SANBR: variants seen among roughly 807,000 people sequenced by gnomAD.
SANBR encodes the protein SANT and BTB domain regulator of class switch recombination.
In SANBR, 77 loss-of-function variants were observed where a neutral mutation model predicts 101.8. The observed-to-expected ratio is 0.76, with a 90% CI of 0.63 to 0.91. SANBR has a LOEUF of 0.91. SANBR is among the 40% of genes least tolerant of loss of function. SANBR has a pLI of 0.00. For synonymous variants in SANBR, 279 were observed against 274.7 expected (o/e 1.02, Z -0.15); for missense variants, 875 against 853.0 (o/e 1.03, Z -0.32).
Position 61,123,686 on chromosome 2 carries a change from T to C in SANBR, c.*1524T>C, listed in dbSNP as rs551482290. The C allele has an allele frequency of 9.1e-6, 9 of 985,170 alleles. No homozygotes were observed. In the East Asian group the frequency reaches 1.0e-3, roughly 110 times the overall value. 61.0% of individuals were successfully genotyped at this position (985,170 alleles called of 1,614,324 possible). ...CGACTAGATAAGGAAAAAATATATA[T>C]GCTCTTTTGATTTTTAACTGATGGT... is the stretch of plus-strand genomic sequence containing the variant. On this transcript the variant is annotated 3_prime_UTR_variant, in exon 22 of 22. Transcript: ENST00000402291.
chr2:61,122,624 A>C lies in SANBR; in HGVS notation c.*462A>C. 1 of 987,148 alleles carries C rather than the reference A, an allele frequency of 1.0e-6. No homozygotes were observed. Among genetic ancestry groups the C allele is most frequent in the Non-Finnish European group, 1.2e-6 (1 of 831,048 alleles). 61.1% of individuals were successfully genotyped at this position (987,148 alleles called of 1,614,324 possible). A position where few individuals can be genotyped will look rare whatever the true frequency, so the allele number is the denominator to read the frequency against. On this transcript the variant is annotated 3_prime_UTR_variant, in exon 22 of 22. Coordinates refer to ENST00000402291, the MANE Select transcript of SANBR (RefSeq NM_001129993.3). The stretch of plus-strand genomic sequence containing the variant: ...TGCAGGTTGTGTGACGAAATTCCCA[A>C]TGATGCTAATTTTAAGTCTGCATGA...
intron 1 of SANBR, among the ~76,000 whole-genome samples, chr2:61,067,597 G>A (rs1681245641): frequency 6.6e-6 from 1 of 152,072 alleles, no homozygotes; most frequent in Non-Finnish European, 1.5e-5. Flanking sequence ...TTAGCTGGGC[G>A]TGGTGGTGCG....
chr2:61,070,568 C>T lies in SANBR; in HGVS notation c.150+68C>T, dbSNP rs139336080. ...AAAAGGTCATCAATTTAAAGAAACA[C>T]CAAGAGAGAGAAAAATATTTGAGTT... On this transcript the variant is annotated intron_variant, in intron 3 of 21. Coordinates refer to ENST00000402291, the MANE Select transcript of SANBR (RefSeq NM_001129993.3). 1,251 of 1,410,682 alleles carry T rather than the reference C, an allele frequency of 8.9e-4. 8 individuals are homozygous for T. The African/African-American group carries it at 0.016, about 18-fold the overall frequency. The allele number at this position is 1,410,682 out of a possible 1,614,324, so 87.4% of individuals were successfully genotyped here.
chr2:61,134,252 G>T (rs765807499), exon 21 of SANBR: 1 of 1,577,198 alleles, frequency 6.3e-7, no homozygotes, highest in African/African-American at 1.3e-5. Context: ...TACATGAAAG[G>T]ACTTGGAATA....
intron 12 of SANBR, 37 bp downstream of exon 12, chr2:61,097,889 T>G: frequency 6.4e-7 from 1 of 1,565,640 alleles, no homozygotes; most frequent in South Asian, 1.1e-5. Flanking sequence ...GCTACAGTTT[T>G]TAAAGTATAA....
chr2:61,067,626 C>T (rs1573575745), intron 1 of SANBR, among the ~76,000 whole-genome samples: 1 of 152,132 alleles, frequency 6.6e-6, no homozygotes, highest in Non-Finnish European at 1.5e-5. Context: ...GTCCCAGCTA[C>T]TCGGGAGGCT....
At chr2:61,088,571 G>GATCTC in intron 10 of SANBR, 103 bp downstream of exon 10, 4 of 722,422 alleles carry the variant, frequency 5.5e-6, no homozygotes, top group Non-Finnish European at 8.4e-6. Context: ...CCAGGCTGGC[G>GATCTC]TGCAGTGGTG....
At chr2:61,084,019 C>G (rs1000128425) in intron 8 of SANBR, among the ~76,000 whole-genome samples, 2 of 152,092 alleles carry the variant, frequency 1.3e-5, no homozygotes, top group Non-Finnish European at 2.9e-5. Context: ...AGTGCAGTAG[C>G]AAGATACCAG....
At position 61,071,589 on chromosome 2, in the gene SANBR, A is replaced by C; in HGVS notation, c.151-17A>C. The C allele has an allele frequency of 6.7e-7, 1 of 1,483,834 alleles. No homozygotes were observed. Among genetic ancestry groups the C allele is most frequent in the Non-Finnish European group, 9.0e-7 (1 of 1,114,924 alleles). 91.9% of individuals were successfully genotyped at this position (1,483,834 alleles called of 1,614,324 possible). A position where few individuals can be genotyped will look rare whatever the true frequency, so the allele number is the denominator to read the frequency against. ...AAATTCCCAAACCTCTGTTTCTTTC[A>C]TTTTATATTATGACAGTGTGCAAAA... On this transcript the variant is annotated splice_polypyrimidine_tract_variant and intron_variant, in intron 3 of 21. Coordinates refer to ENST00000402291, the MANE Select transcript of SANBR (RefSeq NM_001129993.3).
chr2:61,113,669 C>T (rs1683941070), intron 16 of SANBR, among the ~76,000 whole-genome samples: 1 of 152,214 alleles, frequency 6.6e-6, no homozygotes, highest in Non-Finnish European at 1.5e-5. Flanking sequence ...GACTTTGTGT[C>T]CTGTGACCTT....
chr2:61,102,180 T>C (rs1405930264), intron 12 of SANBR, among the ~76,000 whole-genome samples: 4 of 151,106 alleles, frequency 2.6e-5, no homozygotes, highest in Admixed American at 2.6e-4. Context: ...GAGACCACCC[T>C]GACTGACCAA....
At chr2:61,116,684 T>C (rs940125682) in intron 17 of SANBR, among the ~76,000 whole-genome samples, 7 of 152,160 alleles carry the variant, frequency 4.6e-5, no homozygotes, top group African/African-American at 1.4e-4. Flanking sequence ...ATCCACAGAA[T>C]TACATTGGAC....
chr2:61,121,656 T>C (rs537318171), intron 21 of SANBR: 2 of 171,038 alleles, frequency 1.2e-5, no homozygotes, highest in East Asian at 3.2e-4. Context: ...TTTCTCTTAA[T>C]AAAATCTAAC....
rs1684160603 is a variant in SANBR at position 61,118,057 on chromosome 2, C to A, written c.1969C>A (p.His657Asn). ...DQRRMTEITG[H>N]LIKMRLGDLD... is the part of the protein sequence containing the mutation. ...ACGGCGAATGACTGAAATTACAGGG[C>A]ACCTAATAAAAATGAGATTGGGGGA... is the stretch of plus-strand genomic sequence containing the variant. Residue 657 changes from histidine (H) to asparagine (N), a missense_variant, in exon 20 of 22, where the codon CAC becomes AAC. Coordinates refer to ENST00000402291, the MANE Select transcript of SANBR (RefSeq NM_001129993.3). 1 of 1,613,324 alleles carries A rather than the reference C, an allele frequency of 6.2e-7. No homozygotes were observed. The highest frequency in any genetic ancestry group is 1.7e-5 in the Admixed American group (1 of 59,902).
At chr2:61,083,456 G>A (rs1022642816) in intron 8 of SANBR, 142 bp downstream of exon 8, 1 of 620,910 alleles carries the variant, frequency 1.6e-6, no homozygotes, top group African/African-American at 1.9e-5. Flanking sequence ...GAGTGCAGTG[G>A]TGCAATCTTG....
chr2:61,126,671 G>A (rs560371908), downstream of SANBR, among the ~76,000 whole-genome samples: 6 of 151,650 alleles, frequency 4.0e-5, no homozygotes, highest in South Asian at 2.1e-4. Context: ...ACGTGGTGGC[G>A]GGTGCTTGCA....
At chr2:61,082,331 G>A (rs984463654) in intron 7 of SANBR, among the ~76,000 whole-genome samples, 2 of 152,108 alleles carry the variant, frequency 1.3e-5, no homozygotes, top group Non-Finnish European at 2.9e-5. Context: ...TATGCCATAA[G>A]CATAAATATT....
chr2:61,089,234 G>A, intron 10 of SANBR: 13 of 980,246 alleles, frequency 1.3e-5, no homozygotes, highest in Non-Finnish European at 1.6e-5. Context: ...ATGTAGGCCG[G>A]GCACGGTGGC....
At chr2:61,130,323 A>G (rs1684648077) in intron 20 of SANBR, among the ~76,000 whole-genome samples, 2 of 152,202 alleles carry the variant, frequency 1.3e-5, no homozygotes, top group African/African-American at 4.8e-5. Flanking sequence ...TGAGCAAATT[A>G]TTAGAAGGAC....
Sources: gnomAD v4.1 joint callset for allele counts (sites outside exome capture counted in the v4.1 genomes callset) on GRCh38, gnomAD v4.1.1 for gene constraint, MANE v1.5 for transcripts, NCBI Gene and HGNC (gene_info 2026-07-23, HGNC 2026-07-21) for gene names.